Variants in HPSE2 observed in about 807,000 individuals in gnomAD.
HPSE2 encodes the protein inactive heparanase-2.
In HPSE2, 38 loss-of-function variants were observed where a neutral mutation model predicts 60.5. That is an observed-to-expected ratio of 0.63 (90% CI 0.48 to 0.82). The LOEUF is 0.82. HPSE2 is among the 40% of genes least tolerant of loss of function. The pLI is 0.00. For synonymous variants in HPSE2, 295 were observed against 293.2 expected (o/e 1.01, Z -0.06); for missense variants, 713 against 740.4 (o/e 0.96, Z 0.43).
At chr10:98,971,021 G>A (rs571817985) in intron 3 of HPSE2, among the ~76,000 whole-genome samples, 6 of 152,314 alleles carry the variant, frequency 3.9e-5, no homozygotes, top group Admixed American at 6.5e-5. Context: ...GTGATATGGT[G>A]TACATTACAG....
chr10:99,175,833 C>T lies in HPSE2; in HGVS notation c.449-31434G>A, dbSNP rs114465898. ...CCCCATGCCTCCTGACTGGGAGACACCTTTCAGCAGGGGTCAACAGACACC... is the reference window on the plus strand; with the variant it reads ...CCCCATGCCTCCTGACTGGGAGACATCTTTCAGCAGGGGTCAACAGACACC... On this transcript the variant is annotated intron_variant, in intron 2 of 11. Coordinates refer to ENST00000370552, the MANE Select transcript of HPSE2 (RefSeq NM_021828.5). 8.6e-3 allele frequency among the ~76,000 whole-genome samples: 1,305 copies of T among 152,310 alleles called. 14 individuals are homozygous for T. The highest frequency in any genetic ancestry group is 0.03 in the African/African-American group (1,250 of 41,572).
chr10:98,716,933 T>G (rs11814169), intron 5 of HPSE2, among the ~76,000 whole-genome samples: 75,038 of 151,748 alleles, frequency 0.49, 20,944 homozygotes, highest in South Asian at 0.75. Flanking sequence ...GGAGCAGATT[T>G]AACATAATTC....
At chr10:98,868,098 T>C in intron 3 of HPSE2, among the ~76,000 whole-genome samples, 1 of 149,082 alleles carries the variant, frequency 6.7e-6, no homozygotes, top group East Asian at 2.0e-4. Flanking sequence ...AATAAATAAA[T>C]AAATAAATAA....
the HPSE2 span, among the ~76,000 whole-genome samples, chr10:99,251,029 C>T: frequency 0.027 from 4,157 of 152,114 alleles, 191 homozygotes; most frequent in African/African-American, 0.095. Context: ...AATTGAGACA[C>T]AAAAATCCAG....
intron 11 of HPSE2, among the ~76,000 whole-genome samples, chr10:98,469,328 A>C (rs965986948): frequency 6.6e-6 from 1 of 152,190 alleles, no homozygotes; most frequent in African/African-American, 2.4e-5. Context: ...TCATAGGCAT[A>C]TCACACTCAA....
At chr10:98,509,635 G>A (rs1348071861) in intron 9 of HPSE2, among the ~76,000 whole-genome samples, 1 of 151,930 alleles carries the variant, frequency 6.6e-6, no homozygotes, top group African/African-American at 2.4e-5. Context: ...CCGAGTAGCT[G>A]GGATTACAGG....
At chr10:99,055,537 T>C (rs1958091939) in intron 3 of HPSE2, among the ~76,000 whole-genome samples, 1 of 152,078 alleles carries the variant, frequency 6.6e-6, no homozygotes. Context: ...TGATAAAATA[T>C]TGGAAAAAAT....
chr10:99,204,380 G>T (rs7093759), intron 2 of HPSE2, among the ~76,000 whole-genome samples: 75,056 of 152,010 alleles, frequency 0.49, 21,716 homozygotes, highest in Non-Finnish European at 0.64. Flanking sequence ...AACCTTCCCT[G>T]AATCTCTGGA....
At position 98,807,420 on chromosome 10, in the gene HPSE2, T is replaced by C. The variant is rs568636515; in HGVS notation, c.611-63364A>G. Among the ~76,000 whole-genome samples the C allele has an allele frequency of 2.6e-5, 4 of 152,324 alleles. No individual in the cohort carries two copies. The East Asian group carries it at 7.7e-4, about 29-fold the overall frequency. ...TCTAGCACTTTAATTTTCATCCAAATTGGTATGAAACTTTTTTGCTCTAAG... is the reference window on the plus strand; with the variant it reads ...TCTAGCACTTTAATTTTCATCCAAACTGGTATGAAACTTTTTTGCTCTAAG... On this transcript the variant is annotated intron_variant, in intron 3 of 11. Coordinates refer to ENST00000370552, the MANE Select transcript of HPSE2 (RefSeq NM_021828.5).
intron 3 of HPSE2, among the ~76,000 whole-genome samples, chr10:99,124,545 G>T (rs1044780179): frequency 1.3e-5 from 2 of 152,188 alleles, no homozygotes; most frequent in Non-Finnish European, 2.9e-5. Context: ...TCCTGTGTTT[G>T]TTGGCACCCA....
intron 9 of HPSE2, among the ~76,000 whole-genome samples, chr10:98,574,739 T>C (rs1300427029): frequency 6.6e-6 from 1 of 152,172 alleles, no homozygotes; most frequent in East Asian, 1.9e-4. Context: ...TTGTCCTCAT[T>C]TCCTACTAAT....
At chr10:98,496,668 A>G (rs1941850177) in intron 9 of HPSE2, among the ~76,000 whole-genome samples, 1 of 152,238 alleles carries the variant, frequency 6.6e-6, no homozygotes, top group Non-Finnish European at 1.5e-5. Context: ...AATAGACCTT[A>G]GAGTTCTAAA....
intron 2 of HPSE2, among the ~76,000 whole-genome samples, chr10:99,164,095 TG>T (rs1170519845): frequency 6.6e-6 from 1 of 151,398 alleles, no homozygotes; most frequent in Non-Finnish European, 1.5e-5. Flanking sequence ...CAATCCTCAA[TG>T]GATCTCACCT....
intron 3 of HPSE2, among the ~76,000 whole-genome samples, chr10:98,923,525 CT>C (rs1954348443): frequency 6.6e-6 from 1 of 152,116 alleles, no homozygotes; most frequent in Non-Finnish European, 1.5e-5. Context: ...GCCAATAACT[CT>C]TAGATTTGTC....
At chr10:99,074,390 T>C (rs191980411) in intron 3 of HPSE2, among the ~76,000 whole-genome samples, 5 of 152,314 alleles carry the variant, frequency 3.3e-5, no homozygotes, top group Middle Eastern at 3.4e-3. Flanking sequence ...CATCCTTGCA[T>C]CTCAGGGAAA....
intron 2 of HPSE2, among the ~76,000 whole-genome samples, chr10:99,206,577 A>G (rs2133897544): frequency 6.6e-6 from 1 of 151,778 alleles, no homozygotes; most frequent in South Asian, 2.1e-4. Context: ...AAAAAAAAAA[A>G]GTTATACAGA....
chr10:99,235,966 T>G (rs59724340), upstream of HPSE2: 916 of 482,444 alleles, frequency 1.9e-3, 5 homozygotes, highest in East Asian at 4.5e-3. Flanking sequence ...TCTCTCTCTC[T>G]CTCGCTCGCT....
chr10:98,574,113 C>CTGGG (rs1306246317), intron 9 of HPSE2, among the ~76,000 whole-genome samples: 1 of 147,758 alleles, frequency 6.8e-6, no homozygotes, highest in African/African-American at 2.5e-5. Context: ...TTGGCATATT[C>CTGGG]TGGACATTTT....
intron 3 of HPSE2, among the ~76,000 whole-genome samples, chr10:98,759,612 G>T (rs1949960604): frequency 6.6e-6 from 1 of 151,986 alleles, no homozygotes; most frequent in Non-Finnish European, 1.5e-5. Context: ...AAATGTGTGG[G>T]TTTATTGCTG....
Sources: allele counts gnomAD v4.1 joint callset (sites outside exome capture counted in the v4.1 genomes callset), GRCh38; gene constraint gnomAD v4.1.1; transcripts MANE v1.5; gene names NCBI Gene and HGNC (gene_info 2026-07-23, HGNC 2026-07-21).